FRMD5: variants seen among roughly 807,000 people sequenced by gnomAD.
FRMD5 encodes the protein FERM domain containing 5, also known as FERM domain-containing protein 5.
Under a neutral mutation model 69.0 loss-of-function variants are expected in FRMD5, and 20 were observed. The observed-to-expected ratio is 0.29, with a 90% CI of 0.20 to 0.42. FRMD5 has a LOEUF of 0.42. Ranked by LOEUF, FRMD5 falls within the 10% of genes least tolerant of loss-of-function variation. FRMD5 has a pLI of 1.00. For missense variants in FRMD5, 595 were observed against 708.6 expected, an observed-to-expected ratio of 0.84 and a Z score of 1.82; for synonymous variants, 271 against 260.1, an observed-to-expected ratio of 1.04 and a Z score of -0.40.
intron 7 of FRMD5, among the ~76,000 whole-genome samples, chr15:43,899,534 CAG>C (rs2088994894): frequency 2.0e-5 from 3 of 152,172 alleles, no homozygotes; most frequent in African/African-American, 7.2e-5. Flanking sequence ...ATCTATAAAA[CAG>C]GGAGAATAAC....
chr15:43,920,979 C>G (rs1385161719), intron 2 of FRMD5, among the ~76,000 whole-genome samples: 3 of 152,226 alleles, frequency 2.0e-5, no homozygotes, highest in Non-Finnish European at 1.5e-5. Flanking sequence ...AGAGCCAGTT[C>G]TTCTGTCAGC....
chr15:44,169,285 T>C (rs953853124), intron 1 of FRMD5, among the ~76,000 whole-genome samples: 2 of 151,900 alleles, frequency 1.3e-5, no homozygotes, highest in African/African-American at 2.4e-5. Context: ...ACAAGGAAAA[T>C]GTAAAACAGT....
At chr15:43,884,704 G>T (rs779254536) in intron 12 of FRMD5, 23 bp downstream of exon 12, 10 of 1,607,960 alleles carry the variant, frequency 6.2e-6, no homozygotes, top group South Asian at 3.3e-5. Flanking sequence ...CAACTGTTTG[G>T]GGGGAAGCCC....
intron 1 of FRMD5, among the ~76,000 whole-genome samples, chr15:44,134,341 T>C (rs1289655918): frequency 1.3e-5 from 2 of 151,956 alleles, no homozygotes; most frequent in Non-Finnish European, 2.9e-5. Context: ...TCATGAAAAA[T>C]ATGGAGGGCA....
At chr15:44,053,959 T>A (rs1428562945) in intron 1 of FRMD5, among the ~76,000 whole-genome samples, 2 of 152,222 alleles carry the variant, frequency 1.3e-5, no homozygotes, top group Non-Finnish European at 2.9e-5. Flanking sequence ...TTCCATTTCA[T>A]AGAATTATAG....
chr15:44,058,765 G>A (rs189382085), intron 1 of FRMD5, among the ~76,000 whole-genome samples: 1,853 of 130,470 alleles, frequency 0.014, 35 homozygotes, highest in African/African-American at 0.043. Flanking sequence ...CAGCCTGGGC[G>A]ACAGAGTGAG....
At chr15:43,890,662 A>C (rs960074673) in intron 8 of FRMD5, among the ~76,000 whole-genome samples, 1 of 152,190 alleles carries the variant, frequency 6.6e-6, no homozygotes, top group Non-Finnish European at 1.5e-5. Context: ...TCACCCAGAG[A>C]GCACAGTGAA....
At chr15:44,085,837 T>C (rs1359113865) in intron 1 of FRMD5, among the ~76,000 whole-genome samples, 1 of 152,188 alleles carries the variant, frequency 6.6e-6, no homozygotes, top group Non-Finnish European at 1.5e-5. Context: ...TTATATGTAT[T>C]ATCTCAATTA....
At chr15:43,910,934 C>A (rs945027708) in intron 4 of FRMD5, among the ~76,000 whole-genome samples, 3 of 152,356 alleles carry the variant, frequency 2.0e-5, no homozygotes, top group East Asian at 1.9e-4. Flanking sequence ...CACTGTGAGA[C>A]CCCTAAACTT....
At chr15:44,143,636 T>C (rs746501701) in intron 1 of FRMD5, among the ~76,000 whole-genome samples, 1 of 150,754 alleles carries the variant, frequency 6.6e-6, no homozygotes, top group Non-Finnish European at 1.5e-5. Flanking sequence ...TAGAAAGTAT[T>C]ATCTTTCGGC....
intron 1 of FRMD5, among the ~76,000 whole-genome samples, chr15:43,951,017 T>C (rs1233204642): frequency 6.6e-6 from 1 of 152,196 alleles, no homozygotes; most frequent in Admixed American, 6.5e-5. Context: ...AGTCAGAAGA[T>C]CTACAGAGGA....
At chr15:44,130,815 G>T (rs568050669) in intron 1 of FRMD5, among the ~76,000 whole-genome samples, 1 of 152,034 alleles carries the variant, frequency 6.6e-6, no homozygotes, top group Non-Finnish European at 1.5e-5. Flanking sequence ...CTTGACTCTG[G>T]CAAGCAGAAG....
intron 1 of FRMD5, among the ~76,000 whole-genome samples, chr15:44,141,307 A>G (rs997682705): frequency 6.6e-6 from 1 of 152,192 alleles, no homozygotes; most frequent in Non-Finnish European, 1.5e-5. Context: ...ATAAATAGCC[A>G]AGACAATTTG....
chr15:44,115,149 A>G (rs1447102534), intron 1 of FRMD5, among the ~76,000 whole-genome samples: 1 of 152,216 alleles, frequency 6.6e-6, no homozygotes, highest in African/African-American at 2.4e-5. Context: ...TGCAACTCTG[A>G]AAAATGCTTA....
At chr15:43,940,046 G>C (rs1042343025) in intron 1 of FRMD5, among the ~76,000 whole-genome samples, 1 of 152,078 alleles carries the variant, frequency 6.6e-6, no homozygotes, top group Admixed American at 6.6e-5. Context: ...GCTTGGTAGC[G>C]GGTGCCTGTA....
chr15:43,961,219 G>A (rs186015513), intron 1 of FRMD5, among the ~76,000 whole-genome samples: 2 of 152,184 alleles, frequency 1.3e-5, no homozygotes, highest in East Asian at 3.9e-4. Flanking sequence ...TGACAAAGGG[G>A]ATATCACCAC....
intron 1 of FRMD5, chr15:44,194,738 C>A: frequency 1.5e-6 from 1 of 651,696 alleles, no homozygotes. Context: ...CGCGGAGACT[C>A]GCCCCGCGGC....
intron 1 of FRMD5, among the ~76,000 whole-genome samples, chr15:44,112,390 A>G (rs567579354): frequency 1.3e-5 from 2 of 152,192 alleles, no homozygotes; most frequent in Middle Eastern, 3.4e-3. Context: ...TCATAATTCA[A>G]TCTTTCTAAT....
chr15:44,096,721 G>A (rs768090258), intron 1 of FRMD5, among the ~76,000 whole-genome samples: 1 of 152,096 alleles, frequency 6.6e-6, no homozygotes, highest in African/African-American at 2.4e-5. Flanking sequence ...CTAGTAGTGT[G>A]TATCTTTAAA....
Sources: gnomAD v4.1 joint callset for allele counts (sites outside exome capture counted in the v4.1 genomes callset) on GRCh38, gnomAD v4.1.1 for gene constraint, MANE v1.5 for transcripts, NCBI Gene and HGNC (gene_info 2026-07-23, HGNC 2026-07-21) for gene names.